NUP210: variants seen among roughly 807,000 people sequenced by gnomAD.
The protein encoded by NUP210 is nucleoporin 210, also known as nuclear pore membrane glycoprotein 210.
In NUP210, 151 loss-of-function variants were observed where a neutral mutation model predicts 196.0. That is an observed-to-expected ratio of 0.77 (90% CI 0.67 to 0.88). NUP210 has a LOEUF of 0.88. NUP210 is among the 40% of genes least tolerant of loss of function. The pLI is 0.00. For missense variants in NUP210, 2,314 were observed against 2,493.7 expected, an observed-to-expected ratio of 0.93 and a Z score of 1.53; for synonymous variants, 1,070 against 1,052.7, an observed-to-expected ratio of 1.02 and a Z score of -0.32.
intron 13 of NUP210, among the ~76,000 whole-genome samples, chr3:13,368,051 C>G (rs1033986226): frequency 2.6e-5 from 4 of 151,262 alleles, no homozygotes; most frequent in African/African-American, 9.8e-5. Context: ...GGCTGCCCTA[C>G]ATCCCTGCCA....
chr3:13,412,231 C>CTTTT (rs71066953), intron 1 of NUP210, among the ~76,000 whole-genome samples: 3 of 104,744 alleles, frequency 2.9e-5, no homozygotes, highest in South Asian at 2.8e-4. Context: ...TTTTCCTTTT[C>CTTTT]TTTTTTTTTT....
rs370599572 is a variant in NUP210, at chr3:13,334,838, C to T, written c.3843+616G>A. ...CACCCCAGGCAGGAGAACCACTAGA[C>T]GCAGTCCTGACCCCTGGCTCTGAAC... On this transcript the variant is annotated intron_variant, in intron 28 of 39. Transcript: ENST00000254508. Among the ~76,000 whole-genome samples the T allele has an allele frequency of 5.3e-5, 8 of 152,314 alleles. No individual in the cohort carries two copies. The East Asian group carries it at 1.2e-3, about 22-fold the overall frequency.
At chr3:13,360,247 G>A (rs770292248) in intron 15 of NUP210, 23 bp downstream of exon 15, 2 of 1,592,760 alleles carry the variant, frequency 1.3e-6, no homozygotes, top group Non-Finnish European at 1.7e-6. Context: ...GGCAAGGAGG[G>A]TCTGGAGCAG....
chr3:13,400,488 C>G (rs774402813), intron 1 of NUP210, among the ~76,000 whole-genome samples: 4 of 152,180 alleles, frequency 2.6e-5, no homozygotes, highest in Non-Finnish European at 2.9e-5. Flanking sequence ...GGGAGGATAA[C>G]AGGAGGAAGG....
At chr3:13,381,420 CTT>C (rs10644995) in intron 6 of NUP210, among the ~76,000 whole-genome samples, 9 of 134,422 alleles carry the variant, frequency 6.7e-5, no homozygotes, top group Non-Finnish European at 1.1e-4. Flanking sequence ...CTTTTCTTTT[CTT>C]TTTTTTTTTT....
At chr3:13,389,485 G>C (rs954784902) in intron 4 of NUP210, among the ~76,000 whole-genome samples, 4 of 152,168 alleles carry the variant, frequency 2.6e-5, no homozygotes, top group African/African-American at 9.7e-5. Context: ...ACGTTCCCTG[G>C]CTAAGGACAC....
chr3:13,321,441 G>T, intron 36 of NUP210, 144 bp downstream of exon 36: 1 of 838,430 alleles, frequency 1.2e-6, no homozygotes, highest in Non-Finnish European at 1.8e-6. Flanking sequence ...AAAGAAAAGA[G>T]TACTTCAATT....
At chr3:13,390,062 T>C (rs139994829) in intron 4 of NUP210, among the ~76,000 whole-genome samples, 109 of 152,268 alleles carry the variant, frequency 7.2e-4, no homozygotes, top group African/African-American at 2.5e-3. Flanking sequence ...GGGATCCTTC[T>C]TTTTACTGAA....
intron 30 of NUP210, among the ~76,000 whole-genome samples, chr3:13,329,321 C>T (rs923002960): frequency 3.3e-5 from 5 of 152,166 alleles, no homozygotes; most frequent in Admixed American, 6.5e-5. Context: ...CCTCCTCGAT[C>T]GCAGGGGCAG....
rs201981682 is a variant in NUP210 at position 13,340,054 on chromosome 3, G to T, written c.3292-21C>A. 29 of 1,610,300 alleles carry T rather than the reference G, an allele frequency of 1.8e-5. No individual in the cohort carries two copies. The highest frequency in any genetic ancestry group is 2.5e-5 in the Non-Finnish European group (29 of 1,177,534). On this transcript the variant is annotated intron_variant, in intron 24 of 39. Coordinates refer to ENST00000254508, the MANE Select transcript of NUP210 (RefSeq NM_024923.4). This position sits in a 1 kb window ranked among gnomAD's most constrained non-coding sequence, Gnocchi z 4.0. ...GTGACCTGAGCGGGGAGGAAACAGC[G>T]GCGTGTCAGTGCCCGTCATGCCAGG...
intron 18 of NUP210, among the ~76,000 whole-genome samples, chr3:13,352,543 A>T (rs1451521118): frequency 6.6e-6 from 1 of 152,242 alleles, no homozygotes; most frequent in African/African-American, 2.4e-5. Context: ...CAGGCCAGGC[A>T]TCGGGGGAGG....
intron 1 of NUP210, among the ~76,000 whole-genome samples, chr3:13,406,516 G>A (rs1368880497): frequency 6.6e-6 from 1 of 152,182 alleles, no homozygotes; most frequent in East Asian, 1.9e-4. Flanking sequence ...ACACACAGGG[G>A]CTCACTAAGC....
At chr3:13,331,266 C>T (rs1443037142) in intron 29 of NUP210, among the ~76,000 whole-genome samples, 1 of 152,108 alleles carries the variant, frequency 6.6e-6, no homozygotes, top group African/African-American at 2.4e-5. Flanking sequence ...CAAATTATGC[C>T]GTATCTGTTA....
rs576601863 is a variant in NUP210 at position 13,331,544 on chromosome 3, G to T, written c.3935+749C>A. On this transcript the variant is annotated intron_variant, in intron 29 of 39. Coordinates refer to ENST00000254508, the MANE Select transcript of NUP210 (RefSeq NM_024923.4). ...CCCCATGGACAGCACCCTTCTTTGG[G>T]CTCTGGTTTGAATACTACACCTTGC... Among the ~76,000 whole-genome samples the T allele has an allele frequency of 5.3e-5, 8 of 152,214 alleles. No homozygotes were observed. In the East Asian group the frequency reaches 1.5e-3, roughly 29 times the overall value.
intron 25 of NUP210, among the ~76,000 whole-genome samples, chr3:13,339,137 G>A (rs1268087389): frequency 1.3e-5 from 2 of 152,184 alleles, no homozygotes; most frequent in Non-Finnish European, 2.9e-5. Flanking sequence ...GGGAAAAGGA[G>A]TAAATCAATG....
rs371759968 is a variant in NUP210, at chr3:13,399,692, C to T, written c.304+33G>A. 48 of 1,613,628 alleles carry T rather than the reference C, an allele frequency of 3.0e-5. No homozygotes were observed. In the African/African-American group the frequency reaches 5.3e-4, roughly 18 times the overall value. On this transcript the variant is annotated intron_variant, in intron 2 of 39. Coordinates refer to ENST00000254508, the MANE Select transcript of NUP210 (RefSeq NM_024923.4). Reference sequence around the variant, plus strand: ...TGGGCGTTTCCCTGTCTCTGGCTCCCACCGGGGATCACACACAGCACTCAG... The same window carrying T: ...TGGGCGTTTCCCTGTCTCTGGCTCCTACCGGGGATCACACACAGCACTCAG...
chr3:13,417,272 T>C (rs1700379199), intron 1 of NUP210, among the ~76,000 whole-genome samples: 1 of 152,188 alleles, frequency 6.6e-6, no homozygotes, highest in Non-Finnish European at 1.5e-5. Context: ...CTGTTTAAAC[T>C]AGGTGACCTC....
intron 20 of NUP210, among the ~76,000 whole-genome samples, chr3:13,346,093 G>A (rs1213781393): frequency 6.6e-6 from 1 of 152,226 alleles, no homozygotes; most frequent in Non-Finnish European, 1.5e-5. Flanking sequence ...AAATGGCAGT[G>A]GGGAAATCAA....
intron 10 of NUP210, 143 bp downstream of exon 10, chr3:13,376,148 C>T (rs1166589253): frequency 3.1e-5 from 24 of 771,134 alleles, no homozygotes; most frequent in Admixed American, 1.3e-4. Context: ...GAAAATAGAA[C>T]CCAGGATGCA....
Sources: gnomAD v4.1 joint callset for allele counts (sites outside exome capture counted in the v4.1 genomes callset) on GRCh38, gnomAD v4.1.1 for gene constraint, Gnocchi (gnomAD v3.1) non-coding constraint, MANE v1.5 for transcripts, NCBI Gene and HGNC (gene_info 2026-07-23, HGNC 2026-07-21) for gene names.